DAPP1: variants seen among roughly 807,000 people sequenced by gnomAD.
The protein encoded by DAPP1 is dual adaptor of phosphotyrosine and 3-phosphoinositides 1.
DAPP1 carries 20 observed loss-of-function variants against 41.5 expected under a neutral mutation model. The ratio of observed to expected loss-of-function variants is 0.48; its 90% CI spans 0.34 to 0.70. The LOEUF is 0.70. Ranked by LOEUF, DAPP1 falls within the 30% of genes least tolerant of loss-of-function variation. The pLI is 0.01. For missense variants in DAPP1, 233 were observed against 333.4 expected (o/e 0.70, Z 2.35); for synonymous variants, 113 against 116.2 (o/e 0.97, Z 0.18).
chr4:99,849,165 G>A (rs764133574), intron 3 of DAPP1, among the ~76,000 whole-genome samples: 4 of 152,222 alleles, frequency 2.6e-5, no homozygotes, highest in Non-Finnish European at 5.9e-5. Flanking sequence ...TTACTCTCTT[G>A]GTTGACTCAA....
At chr4:99,851,040 A>G (rs1723838187) in intron 3 of DAPP1, among the ~76,000 whole-genome samples, 1 of 152,180 alleles carries the variant, frequency 6.6e-6, no homozygotes, top group Non-Finnish European at 1.5e-5. Context: ...ACTATGAAGC[A>G]CATCACTGGG....
intron 1 of DAPP1, among the ~76,000 whole-genome samples, chr4:99,829,734 T>G (rs1723057431): frequency 6.6e-6 from 1 of 152,158 alleles, no homozygotes; most frequent in South Asian, 2.1e-4. Context: ...TTTTAAAGTG[T>G]TCTAGATGAA....
At chr4:99,852,535 G>T (rs1012347716) in intron 3 of DAPP1, among the ~76,000 whole-genome samples, 1 of 152,142 alleles carries the variant, frequency 6.6e-6, no homozygotes. Flanking sequence ...CTGCCTGGAG[G>T]CTCCCCTCTC....
At chr4:99,865,940 T>TATATATATAATATAA (rs1328215238) in intron 7 of DAPP1, 94 bp from the exon 8 acceptor site, 1 of 52,812 alleles carries the variant, frequency 1.9e-5, no homozygotes, top group South Asian at 4.3e-4. Flanking sequence ...ATATAATATA[T>TATATATATAATATAA]TATATTATAT....
intron 1 of DAPP1, among the ~76,000 whole-genome samples, chr4:99,819,631 C>A (rs1258673772): frequency 6.6e-6 from 1 of 151,804 alleles, no homozygotes; most frequent in Non-Finnish European, 1.5e-5. Flanking sequence ...TTTCCAAAGA[C>A]CTCCTTAAAA....
At chr4:99,822,167 T>C (rs191558471) in intron 1 of DAPP1, among the ~76,000 whole-genome samples, 1 of 152,338 alleles carries the variant, frequency 6.6e-6, no homozygotes, top group African/African-American at 2.4e-5. Context: ...TGTTTTTCTG[T>C]TCCTCCAAAG....
In DAPP1 at chr4:99,840,335, T is replaced by G; in HGVS notation, c.271T>G (p.Ser91Ala). ...CTTTCATGTTGAATATACTGGATATTCATTTAAATTTGGCTTTAATGAATT... is the reference window on the plus strand; with the variant it reads ...CTTTCATGTTGAATATACTGGATATGCATTTAAATTTGGCTTTAATGAATT... ...KHFHVEYTGY[S>A]FKFGFNEFSS... is the part of the protein sequence containing the mutation. The change falls in exon 3 of 9, where the codon TCA (serine) becomes GCA (alanine). Residue 91 changes from serine (S) to alanine (A), a missense_variant. By Grantham distance (99) the Ser-to-Ala change is moderately conservative. Transcript: ENST00000512369. 1 of 1,607,478 alleles carries G rather than the reference T, an allele frequency of 6.2e-7. No homozygotes were observed. The highest frequency in any genetic ancestry group is 8.5e-7 in the Non-Finnish European group (1 of 1,176,428).
intron 1 of DAPP1, among the ~76,000 whole-genome samples, chr4:99,826,735 C>T (rs1420345043): frequency 1.3e-5 from 2 of 152,208 alleles, no homozygotes; most frequent in African/African-American, 4.8e-5. Flanking sequence ...AGTGCCTTTG[C>T]TTATGTCATT....
intron 1 of DAPP1, among the ~76,000 whole-genome samples, chr4:99,830,090 AAT>A (rs1216176184): frequency 6.6e-6 from 1 of 152,198 alleles, no homozygotes; most frequent in Non-Finnish European, 1.5e-5. Context: ...TTAAAAATTG[AAT>A]ATAGTTCTGG....
chr4:99,846,652 CA>C (rs1237573559), intron 3 of DAPP1, among the ~76,000 whole-genome samples: 7 of 152,252 alleles, frequency 4.6e-5, no homozygotes, highest in African/African-American at 1.4e-4. Flanking sequence ...TTGCATTTAT[CA>C]AATGTTTGTG....
rs977027692 is a variant in DAPP1, at chr4:99,866,804, C to T, written c.774+683C>T. Among the ~76,000 whole-genome samples the T allele has an allele frequency of 8.0e-4, 90 of 112,684 alleles. 1 individual carries two copies. The highest frequency in any genetic ancestry group is 1.4e-3 in the South Asian group (5 of 3,588). The allele number at this position is 112,684 out of a possible 152,430, so 73.9% of individuals were successfully genotyped here. ...TTTTTTTTTGAGACAGAGTCTCGTT[C>T]TGTTGCCCAGGCTGGAGTGCAGTGG... On this transcript the variant is annotated intron_variant, in intron 8 of 8. Transcript: ENST00000512369.
At chr4:99,841,876 ACTTTCT>A (rs1447459239) in intron 3 of DAPP1, among the ~76,000 whole-genome samples, 2 of 152,150 alleles carry the variant, frequency 1.3e-5, no homozygotes, top group African/African-American at 4.8e-5. Context: ...TCATTTTTCT[ACTTTCT>A]CTTTTTCTTC....
At chr4:99,826,704 C>A (rs1316443815) in intron 1 of DAPP1, among the ~76,000 whole-genome samples, 3 of 152,234 alleles carry the variant, frequency 2.0e-5, no homozygotes, top group Non-Finnish European at 4.4e-5. Context: ...TGCCCATGCA[C>A]ACCAAGCCCA....
At chr4:99,841,623 C>T (rs1723499432) in intron 3 of DAPP1, among the ~76,000 whole-genome samples, 1 of 152,162 alleles carries the variant, frequency 6.6e-6, no homozygotes, top group African/African-American at 2.4e-5. Context: ...TTCTCAAATC[C>T]CTACACTTCA....
At chr4:99,852,915 A>G (rs1439908584) in intron 3 of DAPP1, among the ~76,000 whole-genome samples, 2 of 152,006 alleles carry the variant, frequency 1.3e-5, no homozygotes, top group Non-Finnish European at 2.9e-5. Context: ...CAGTCTGGGG[A>G]TGATTATCAT....
intron 3 of DAPP1, among the ~76,000 whole-genome samples, chr4:99,850,739 G>A (rs1047247095): frequency 8.5e-5 from 13 of 152,088 alleles, no homozygotes; most frequent in African/African-American, 1.9e-4. Context: ...AGAATGTTGC[G>A]TCTAGGTCTT....
chr4:99,839,545 C>T (rs1723426935), intron 2 of DAPP1, among the ~76,000 whole-genome samples: 1 of 151,930 alleles, frequency 6.6e-6, no homozygotes, highest in Non-Finnish European at 1.5e-5. Flanking sequence ...GCTAGGCTCA[C>T]GTAACTAATC....
Position 99,863,080 on chromosome 4 carries a change from A to G in DAPP1, c.600+8A>G. 1 of 1,549,816 alleles carries G rather than the reference A, an allele frequency of 6.5e-7. No homozygotes were observed. The highest frequency in any genetic ancestry group is 8.7e-7 in the Non-Finnish European group (1 of 1,147,012). ...TACTTCAAAGACCAGATGGTGAGAA[A>G]CATGATAATATATTTTTCCTTTAAA... On this transcript the variant is annotated splice_region_variant and intron_variant, in intron 6 of 8. Transcript: ENST00000512369.
chr4:99,851,533 A>ATT (rs1261439390), intron 3 of DAPP1, among the ~76,000 whole-genome samples: 2 of 105,176 alleles, frequency 1.9e-5, no homozygotes, highest in African/African-American at 3.5e-5. Flanking sequence ...TGTTTTGTGT[A>ATT]GTTTTTTTTT....
Sources: gnomAD v4.1 joint callset for allele counts (sites outside exome capture counted in the v4.1 genomes callset) on GRCh38, gnomAD v4.1.1 for gene constraint, MANE v1.5 for transcripts, NCBI Gene and HGNC (gene_info 2026-07-23, HGNC 2026-07-21) for gene names.